PSD3: variants seen among roughly 807,000 people sequenced by gnomAD.
PSD3 encodes PH and SEC7 domain-containing protein 3.
A neutral mutation model predicts 105.5 loss-of-function variants in PSD3; 49 were observed. The ratio of observed to expected loss-of-function variants is 0.46; its 90% CI spans 0.37 to 0.59. PSD3 has a LOEUF of 0.59. Ranked by LOEUF, PSD3 falls within the 20% of genes least tolerant of loss-of-function variation. The probability of loss-of-function intolerance (pLI) is 0.00; values close to 1 mark genes in which losing one functional copy is unlikely to be tolerated. For missense variants in PSD3, 1,561 were observed against 1,263.8 expected, an observed-to-expected ratio of 1.24 and a Z score of -3.57; for synonymous variants, 557 against 457.8, an observed-to-expected ratio of 1.22 and a Z score of -2.77.
chr8:18,907,944 T>A (rs1482891964), intron 2 of PSD3, among the ~76,000 whole-genome samples: 1 of 152,242 alleles, frequency 6.6e-6, no homozygotes, highest in Non-Finnish European at 1.5e-5. Context: ...CACACAAGAA[T>A]GACAGCAATA....
At chr8:18,973,861 T>C in intron 1 of PSD3, among the ~76,000 whole-genome samples, 1 of 152,212 alleles carries the variant, frequency 6.6e-6, no homozygotes, top group Middle Eastern at 3.2e-3. Flanking sequence ...CCAAACTTTG[T>C]GCTGATCAAA....
chr8:18,903,837 C>T (rs1819668153), intron 2 of PSD3, among the ~76,000 whole-genome samples: 1 of 152,066 alleles, frequency 6.6e-6, no homozygotes, highest in African/African-American at 2.4e-5. Flanking sequence ...TGGCACCCTC[C>T]AACTTAGGCT....
chr8:18,705,534 C>CAAAAAAAAA (rs34331384), intron 9 of PSD3, among the ~76,000 whole-genome samples: 2 of 88,436 alleles, frequency 2.3e-5, no homozygotes, highest in African/African-American at 9.3e-5. Context: ...CTGTCTCAAG[C>CAAAAAAAAA]AAAAAAAAAA....
chr8:18,936,503 C>T (rs140439777), intron 1 of PSD3, among the ~76,000 whole-genome samples: 2,953 of 152,288 alleles, frequency 0.019, 27 homozygotes, highest in Non-Finnish European at 0.025. Flanking sequence ...GTAGCTCACA[C>T]CTGTAATCTC....
intron 14 of PSD3, among the ~76,000 whole-genome samples, chr8:18,565,553 C>T (rs1801684362): frequency 6.6e-6 from 1 of 150,438 alleles, no homozygotes; most frequent in Non-Finnish European, 1.5e-5. Context: ...GTGACAAACA[C>T]TGTGTCTTGA....
At chr8:18,783,704 G>A (rs1031576090) in intron 8 of PSD3, among the ~76,000 whole-genome samples, 2 of 152,170 alleles carry the variant, frequency 1.3e-5, no homozygotes, top group Non-Finnish European at 2.9e-5. Flanking sequence ...CACAATCTCA[G>A]CTCACTGCAA....
chr8:18,822,988 C>T (rs896200055), intron 4 of PSD3, among the ~76,000 whole-genome samples: 6 of 151,700 alleles, frequency 4.0e-5, no homozygotes, highest in Non-Finnish European at 7.4e-5. Context: ...TCAATCAGCT[C>T]TTGAAGTTTC....
intron 2 of PSD3, among the ~76,000 whole-genome samples, chr8:18,935,514 A>C (rs1451493207): frequency 6.8e-6 from 1 of 146,990 alleles, no homozygotes; most frequent in Non-Finnish European, 1.5e-5. Flanking sequence ...TGTCTCTTAA[A>C]AAAAAAAAAA....
intron 9 of PSD3, among the ~76,000 whole-genome samples, chr8:18,749,731 G>C (rs1034392648): frequency 2.0e-5 from 3 of 152,162 alleles, no homozygotes; most frequent in Non-Finnish European, 4.4e-5. Context: ...GACAGTACCA[G>C]AGAGTGAGAA....
rs1554489540 is a variant in PSD3 at position 18,752,586 on chromosome 8, T to TAATTA, written c.2172+12862_2172+12863insTAATT. 8.0e-3 allele frequency among the ~76,000 whole-genome samples: 626 copies of TAATTA among 77,992 alleles called. 9 individuals carry two copies. Among genetic ancestry groups the TAATTA allele is most frequent in the African/African-American group, 0.035 (479 of 13,786 alleles). 51.2% of individuals were successfully genotyped at this position (77,992 alleles called of 152,430 possible). A position where few individuals can be genotyped will look rare whatever the true frequency, so the allele number is the denominator to read the frequency against. On this transcript the variant is annotated intron_variant, in intron 9 of 15. Coordinates refer to ENST00000327040, the MANE Select transcript of PSD3 (RefSeq NM_015310.4). ...TATATTATATATATAATTATATATATTATATATTATATATTATATATAATA... is the reference window on the plus strand; with the variant it reads ...TATATTATATATATAATTATATATATAATTATATATATTATATATTATATATAATA...
intron 1 of PSD3, among the ~76,000 whole-genome samples, chr8:18,973,708 C>A (rs575812354): frequency 2.0e-5 from 3 of 152,272 alleles, no homozygotes; most frequent in East Asian, 3.9e-4. Flanking sequence ...GAAAAGGATA[C>A]CAATTGGATC....
chr8:18,878,738 C>T (rs983068416), intron 2 of PSD3, among the ~76,000 whole-genome samples: 4 of 152,134 alleles, frequency 2.6e-5, no homozygotes, highest in African/African-American at 4.8e-5. Flanking sequence ...GTCCTCTCCT[C>T]TGTATAAATA....
intron 1 of PSD3, among the ~76,000 whole-genome samples, chr8:18,987,271 TTC>T (rs1317324596): frequency 3.5e-5 from 5 of 141,654 alleles, no homozygotes; most frequent in African/African-American, 1.2e-4. Flanking sequence ...GAAATTTATT[TTC>T]TTTTTTATTT....
At chr8:18,609,917 G>T (rs1035914737) in intron 11 of PSD3, among the ~76,000 whole-genome samples, 1 of 152,186 alleles carries the variant, frequency 6.6e-6, no homozygotes, top group Non-Finnish European at 1.5e-5. Context: ...GCTGAGCAAA[G>T]GAAAATTTAC....
intron 12 of PSD3, among the ~76,000 whole-genome samples, chr8:18,578,835 T>G (rs1223703054): frequency 6.6e-6 from 1 of 152,008 alleles, no homozygotes; most frequent in Admixed American, 6.6e-5. Context: ...AAAAGAGGAC[T>G]CTATTCCAAG....
Position 18,841,187 on chromosome 8 carries a change from C to T in PSD3, c.1634+26487G>A, listed in dbSNP as rs190131717. ...CTAAGGCAGCTAGGTAGTAACCACACTAATTGGATGGCTTAGCAGACTGCT... is the reference window on the plus strand; with the variant it reads ...CTAAGGCAGCTAGGTAGTAACCACATTAATTGGATGGCTTAGCAGACTGCT... On this transcript the variant is annotated intron_variant, in intron 4 of 15. Transcript: ENST00000327040. Among the ~76,000 whole-genome samples the T allele has an allele frequency of 1.1e-3, 166 of 152,332 alleles. 2 individuals are homozygous for T. Among genetic ancestry groups the T allele is most frequent in the African/African-American group, 3.8e-3 (159 of 41,572 alleles).
At chr8:18,612,113 C>A (rs1805310530) in intron 11 of PSD3, among the ~76,000 whole-genome samples, 1 of 152,072 alleles carries the variant, frequency 6.6e-6, no homozygotes, top group Admixed American at 6.6e-5. Context: ...TATTATAACC[C>A]ACAAAGCAGC....
intron 8 of PSD3, chr8:18,774,759 A>C (rs1188596797): frequency 2.6e-6 from 1 of 387,946 alleles, no homozygotes; most frequent in Non-Finnish European, 5.1e-6. Context: ...AACACAGGCA[A>C]CAGATTTGGA....
intron 11 of PSD3, among the ~76,000 whole-genome samples, chr8:18,625,005 G>C (rs1038605472): frequency 1.3e-5 from 2 of 151,812 alleles, no homozygotes; most frequent in African/African-American, 4.8e-5. Flanking sequence ...CAAAGTATTG[G>C]GATTACAGGT....
Sources: allele counts gnomAD v4.1 joint callset (sites outside exome capture counted in the v4.1 genomes callset), GRCh38; gene constraint gnomAD v4.1.1; transcripts MANE v1.5; gene names NCBI Gene and HGNC (gene_info 2026-07-23, HGNC 2026-07-21).